NCKAP1: variants seen among roughly 807,000 people sequenced by gnomAD.
NCKAP1 encodes NCK associated protein 1.
A neutral mutation model predicts 151.2 loss-of-function variants in NCKAP1; 21 were observed. That is an observed-to-expected ratio of 0.14 (90% CI 0.10 to 0.20). NCKAP1 has a LOEUF of 0.20. Ranked by LOEUF, NCKAP1 falls within the 10% of genes least tolerant of loss-of-function variation. NCKAP1 has a pLI of 1.00. For synonymous variants in NCKAP1, 484 were observed against 451.8 expected, an observed-to-expected ratio of 1.07 and a Z score of -0.90; for missense variants, 933 against 1,352.1, an observed-to-expected ratio of 0.69 and a Z score of 4.86.
At chr2:182,963,759 T>C (rs779794675) in intron 17 of NCKAP1, among the ~76,000 whole-genome samples, 2 of 152,082 alleles carry the variant, frequency 1.3e-5, no homozygotes, top group Non-Finnish European at 2.9e-5. Flanking sequence ...ATCTCAGGTG[T>C]CAAGTTTGGG....
In NCKAP1 at chr2:183,003,044, C is replaced by T. The variant is rs1255216114; in HGVS notation, c.313-14G>A. 1 of 1,596,970 alleles carries T rather than the reference C, an allele frequency of 6.3e-7. No individual in the cohort carries two copies. The highest frequency in any genetic ancestry group is 1.7e-5 in the Admixed American group (1 of 59,358). ...ACAAACATGGTCCTGAAAAGAAATA[C>T]TTATTTTAATCTTTTATCTGTATAA... is the stretch of plus-strand genomic sequence containing the variant. On this transcript the variant is annotated splice_polypyrimidine_tract_variant and intron_variant, in intron 3 of 30. Coordinates refer to ENST00000361354, the MANE Select transcript of NCKAP1 (RefSeq NM_013436.5).
intron 17 of NCKAP1, 26 bp from the exon 18 acceptor site, chr2:182,962,304 A>G (rs1559083773): frequency 6.4e-7 from 1 of 1,555,226 alleles, no homozygotes; most frequent in South Asian, 1.2e-5. Context: ...AATAATAATA[A>G]TACAAGTTAT....
chr2:182,953,191 A>G lies in NCKAP1; in HGVS notation c.2294T>C (p.Phe765Ser). ...TGTTTGTTGAAGAAGCACATTATTA[A>G]ATACTCTTGTAATATCAATCTGCAC... ...NYVQIDITRV[F>S]NNVLLQQTQH... Residue 765 changes from phenylalanine (F) to serine (S), a missense_variant, in exon 21 of 31, where the codon TTT becomes TCT. Around this residue, in one of 2 missense-constraint regions of NCKAP1, gnomAD observed 326 missense variants for 557.1 expected, o/e 0.59. Transcript: ENST00000361354. 1 of 1,613,188 alleles carries G rather than the reference A, an allele frequency of 6.2e-7. No individual in the cohort carries two copies. Among genetic ancestry groups the G allele is most frequent in the Non-Finnish European group, 8.5e-7 (1 of 1,179,298 alleles).
intron 23 of NCKAP1, among the ~76,000 whole-genome samples, chr2:182,946,678 A>G (rs1479547512): frequency 6.6e-6 from 1 of 151,922 alleles, no homozygotes; most frequent in Non-Finnish European, 1.5e-5. Context: ...TAAATGTCTA[A>G]AACTGCTCCT....
intron 18 of NCKAP1, 80 bp from the exon 19 acceptor site, chr2:182,957,676 G>A (rs1575029616): frequency 7.1e-7 from 1 of 1,412,736 alleles, no homozygotes; most frequent in East Asian, 2.3e-5. Context: ...AACAGTAGCT[G>A]AATCCAGGCT....
At chr2:182,961,003 G>C (rs1463004365) in intron 18 of NCKAP1, among the ~76,000 whole-genome samples, 3 of 152,210 alleles carry the variant, frequency 2.0e-5, no homozygotes, top group Non-Finnish European at 4.4e-5. Context: ...CTGGCCATCA[G>C]AGAAATGCAA....
chr2:182,992,260 A>C (rs1471747442), intron 8 of NCKAP1, among the ~76,000 whole-genome samples: 2 of 152,226 alleles, frequency 1.3e-5, no homozygotes, highest in Non-Finnish European at 2.9e-5. Context: ...GGCAACTCCT[A>C]ACCTCCAGAT....
chr2:183,022,462 T>C (rs1252869495), intron 2 of NCKAP1, among the ~76,000 whole-genome samples: 2 of 152,214 alleles, frequency 1.3e-5, no homozygotes, highest in African/African-American at 2.4e-5. Context: ...AGGAACTAAT[T>C]ATAATGCTTT....
intron 18 of NCKAP1, among the ~76,000 whole-genome samples, chr2:182,960,855 G>A (rs543274469): frequency 6.6e-6 from 1 of 152,182 alleles, no homozygotes; most frequent in South Asian, 2.1e-4. Context: ...CTAATATCCA[G>A]AATCTACAAT....
At chr2:182,935,263 A>G in intron 25 of NCKAP1, 30 bp downstream of exon 25, 1 of 1,387,294 alleles carries the variant, frequency 7.2e-7, no homozygotes, top group Non-Finnish European at 1.0e-6. Context: ...TTGTTTGGAT[A>G]CCGAGTATAT....
chr2:182,927,818 C>T (rs2105797267), intron 29 of NCKAP1, among the ~76,000 whole-genome samples: 1 of 151,974 alleles, frequency 6.6e-6, no homozygotes, highest in Middle Eastern at 3.4e-3. Context: ...GAAAAAAGGT[C>T]ATATTGCAGA....
chr2:183,016,001 A>G lies in NCKAP1; in HGVS notation c.219+7805T>C, dbSNP rs546121800. Reference sequence around the variant, plus strand: ...AGGGGAAGTAAATTGAGCAAGCTAAATCCTCATCTTTTGTTGCATAGGAGA... The same window carrying G: ...AGGGGAAGTAAATTGAGCAAGCTAAGTCCTCATCTTTTGTTGCATAGGAGA... On this transcript the variant is annotated intron_variant, in intron 2 of 30. Transcript: ENST00000361354. 1.9e-3 allele frequency among the ~76,000 whole-genome samples: 282 copies of G among 152,262 alleles called. 2 individuals carry two copies. The highest frequency in any genetic ancestry group is 3.4e-3 in the Non-Finnish European group (229 of 68,008).
At chr2:182,992,072 T>C (rs1273213893) in intron 8 of NCKAP1, among the ~76,000 whole-genome samples, 3 of 152,316 alleles carry the variant, frequency 2.0e-5, no homozygotes, top group South Asian at 4.1e-4. Context: ...GTTTAGTAGG[T>C]CTTGGGTAGG....
chr2:182,952,347 C>A, intron 23 of NCKAP1, 58 bp downstream of exon 23: 1 of 1,139,614 alleles, frequency 8.8e-7, no homozygotes, highest in South Asian at 1.5e-5. Context: ...GCTCATATCC[C>A]TGAAATGTTT....
At chr2:183,008,386 T>C (rs748996629) in intron 2 of NCKAP1, among the ~76,000 whole-genome samples, 28 of 152,238 alleles carry the variant, frequency 1.8e-4, no homozygotes, top group Non-Finnish European at 3.5e-4. Flanking sequence ...AAAATCATTT[T>C]TTAATTCCAA....
chr2:182,985,390 T>C (rs1024024407), intron 10 of NCKAP1, among the ~76,000 whole-genome samples: 9 of 152,190 alleles, frequency 5.9e-5, no homozygotes, highest in Non-Finnish European at 1.3e-4. Flanking sequence ...TTATTTAGAA[T>C]TATTTTATGA....
intron 15 of NCKAP1, among the ~76,000 whole-genome samples, chr2:182,972,088 G>A (rs1211956681): frequency 6.6e-6 from 1 of 151,840 alleles, no homozygotes; most frequent in Non-Finnish European, 1.5e-5. Flanking sequence ...AAGCTAAAAA[G>A]CTCCTGCACA....
intron 10 of NCKAP1, among the ~76,000 whole-genome samples, chr2:182,985,102 T>C (rs1169905442): frequency 6.6e-6 from 1 of 152,222 alleles, no homozygotes; most frequent in African/African-American, 2.4e-5. Context: ...TAAGCACATG[T>C]ACTTCATTCA....
In NCKAP1 at chr2:182,952,424, G is replaced by A; in HGVS notation, c.2582C>T (p.Ser861Leu). The A allele has an allele frequency of 6.2e-7, 1 of 1,607,030 alleles. No homozygotes were observed. The highest frequency in any genetic ancestry group is 2.2e-5 in the East Asian group (1 of 44,642). ...LSESLMWHIS[S>L]QVAELKKLVV... Reference sequence around the variant, plus strand: ...TATTACCTTAAGTTCAGCAACTTGTGATGAAATATGCCACATAAGGCTTTC... The same window carrying A: ...TATTACCTTAAGTTCAGCAACTTGTAATGAAATATGCCACATAAGGCTTTC... The change falls in exon 23 of 31, where the codon TCA becomes TTA. Residue 861 changes from serine (S) to leucine (L), a missense_variant. Coordinates refer to ENST00000361354, the MANE Select transcript of NCKAP1 (RefSeq NM_013436.5).
Sources: allele counts gnomAD v4.1 joint callset (sites outside exome capture counted in the v4.1 genomes callset), GRCh38; gene constraint gnomAD v4.1.1; regional missense constraint gnomAD v4.1.1; transcripts MANE v1.5; gene names NCBI Gene and HGNC (gene_info 2026-07-23, HGNC 2026-07-21).